TMEM117: variants seen among roughly 807,000 people sequenced by gnomAD.
TMEM117 encodes the protein transmembrane protein 117.
In TMEM117, 27 loss-of-function variants were observed where a neutral mutation model predicts 52.4. The observed-to-expected ratio is 0.51, with a 90% confidence interval of 0.38 to 0.71. The LOEUF is 0.71. Ranked by LOEUF, TMEM117 falls within the 30% of genes least tolerant of loss-of-function variation. The probability of loss-of-function intolerance (pLI) is 0.00; values close to 1 mark genes in which losing one functional copy is unlikely to be tolerated. For synonymous variants in TMEM117, 215 were observed against 206.3 expected (o/e 1.04, Z -0.36); for missense variants, 556 against 630.5 (o/e 0.88, Z 1.26).
In TMEM117 at chr12:44,036,996, A is replaced by C. The variant is rs568562199; in HGVS notation, c.410+92654A>C. On this transcript the variant is annotated intron_variant, in intron 3 of 7. Coordinates refer to ENST00000266534, the MANE Select transcript of TMEM117 (RefSeq NM_032256.3). ...TTCATATTGATGGCAGCAGCGGCCC[A>C]CCTGGAGTGACCGCTGCAAACACAC... Among the ~76,000 whole-genome samples the C allele has an allele frequency of 3.3e-4, 50 of 152,262 alleles. 1 individual carries two copies. Among genetic ancestry groups the C allele is most frequent in the African/African-American group, 1.1e-3 (46 of 41,554 alleles).
intron 3 of TMEM117, among the ~76,000 whole-genome samples, chr12:43,965,463 G>A (rs772456442): frequency 1.3e-5 from 2 of 152,146 alleles, no homozygotes; most frequent in African/African-American, 2.4e-5. Flanking sequence ...CCACCTGTCC[G>A]TGGATTACTC....
intron 6 of TMEM117, among the ~76,000 whole-genome samples, chr12:44,342,384 C>T (rs1951429228): frequency 6.6e-6 from 1 of 152,096 alleles, no homozygotes; most frequent in Non-Finnish European, 1.5e-5. Flanking sequence ...TAGACATGAC[C>T]TTGGGAGAAG....
intron 3 of TMEM117, among the ~76,000 whole-genome samples, chr12:43,955,326 T>G (rs1945289887): frequency 6.6e-6 from 1 of 152,160 alleles, no homozygotes; most frequent in African/African-American, 2.4e-5. Context: ...GAAAGGGTAT[T>G]CAGGTAAGAA....
At chr12:43,869,644 A>C (rs1005503073) in intron 2 of TMEM117, among the ~76,000 whole-genome samples, 1 of 152,234 alleles carries the variant, frequency 6.6e-6, no homozygotes, top group African/African-American at 2.4e-5. Context: ...AAAACCTGGA[A>C]TATGAGGCTA....
At chr12:43,991,408 T>A (rs1180256140) in intron 3 of TMEM117, among the ~76,000 whole-genome samples, 1 of 151,590 alleles carries the variant, frequency 6.6e-6, no homozygotes, top group African/African-American at 2.4e-5. Context: ...GGATAATAAT[T>A]GTAATAACCA....
chr12:44,119,713 G>A (rs1047193860), intron 3 of TMEM117, among the ~76,000 whole-genome samples: 4 of 152,124 alleles, frequency 2.6e-5, no homozygotes, highest in African/African-American at 9.7e-5. Context: ...CAGTCTGACC[G>A]TGTGTTAGCA....
intron 4 of TMEM117, among the ~76,000 whole-genome samples, chr12:44,164,715 G>A (rs1195793499): frequency 6.6e-6 from 1 of 152,142 alleles, no homozygotes; most frequent in East Asian, 1.9e-4. Flanking sequence ...GATAGAGGGG[G>A]CAATTGAGGC....
At chr12:43,950,989 C>A (rs540066711) in intron 3 of TMEM117, among the ~76,000 whole-genome samples, 1 of 152,196 alleles carries the variant, frequency 6.6e-6, no homozygotes, top group Admixed American at 6.5e-5. Flanking sequence ...GTGGGTGCGC[C>A]CCATGGAGAG....
At chr12:43,897,202 C>T (rs1944220384) in intron 2 of TMEM117, among the ~76,000 whole-genome samples, 1 of 152,274 alleles carries the variant, frequency 6.6e-6, no homozygotes, top group South Asian at 2.1e-4. Context: ...TCTTAAACTT[C>T]TGCCGAGAGC....
chr12:43,811,786 T>C, the TMEM117 span, among the ~76,000 whole-genome samples: 1 of 152,246 alleles, frequency 6.6e-6, no homozygotes, highest in African/African-American at 2.4e-5. Flanking sequence ...TCTTTGCATG[T>C]AACTAGATAG....
chr12:44,376,607 C>G lies in TMEM117; in HGVS notation c.781C>G (p.Pro261Ala). The G allele has an allele frequency of 6.2e-7, 1 of 1,604,520 alleles. No homozygotes were observed. Among genetic ancestry groups the G allele is most frequent in the Non-Finnish European group, 8.5e-7 (1 of 1,176,062 alleles). The change falls in exon 7 of 8, where the codon CCA (proline) becomes GCA (alanine). Residue 261 changes from proline to alanine, a missense_variant. By Grantham distance (27) the Pro-to-Ala change is conservative. This residue lies in a region of TMEM117 where 328 missense variants were observed against 371.4 expected (regional missense o/e 0.88). Transcript: ENST00000266534. ...TTTTCTCTGACAGGACTGGGAATTC[C>G]CACATTTCATGGGAGATGTTGATGT... ...LLIVMQDWEF[P>A]HFMGDVDVNL... is the part of the protein sequence containing the mutation.
chr12:43,806,333 G>C, the TMEM117 span: 1 of 1,286,630 alleles, frequency 7.8e-7, no homozygotes, highest in Non-Finnish European at 9.8e-7. Flanking sequence ...TCCTCCGCCG[G>C]CCCCGGCGCG....
the TMEM117 span, among the ~76,000 whole-genome samples, chr12:43,808,283 T>C: frequency 6.6e-6 from 1 of 152,334 alleles, no homozygotes; most frequent in Middle Eastern, 3.4e-3. Flanking sequence ...ACTTTCCAAA[T>C]TGACAGGGTT....
chr12:44,261,563 T>C (rs979294589), intron 5 of TMEM117, among the ~76,000 whole-genome samples: 1 of 152,150 alleles, frequency 6.6e-6, no homozygotes, highest in African/African-American at 2.4e-5. Context: ...CAGATTCTTA[T>C]CAATAGTATC....
chr12:44,298,960 C>A (rs929965012), intron 5 of TMEM117, among the ~76,000 whole-genome samples: 2 of 150,440 alleles, frequency 1.3e-5, no homozygotes, highest in African/African-American at 5.0e-5. Context: ...TGTCCACTAC[C>A]CTTGGTAAAC....
intron 3 of TMEM117, among the ~76,000 whole-genome samples, chr12:44,135,304 C>T (rs530284358): frequency 3.9e-5 from 6 of 152,294 alleles, no homozygotes; most frequent in East Asian, 3.9e-4. Context: ...GATGGGACCA[C>T]TAGCTCTGGG....
chr12:43,819,780 AAG>A, the TMEM117 span, among the ~76,000 whole-genome samples: 3 of 152,164 alleles, frequency 2.0e-5, no homozygotes, highest in East Asian at 3.9e-4. Flanking sequence ...GTCAAAAAAA[AAG>A]AGAGAAAGAG....
chr12:43,969,439 T>C (rs1369283442), intron 3 of TMEM117, among the ~76,000 whole-genome samples: 2 of 151,010 alleles, frequency 1.3e-5, no homozygotes, highest in African/African-American at 4.9e-5. Flanking sequence ...AGAGAATTGC[T>C]TGAACCTGGG....
chr12:44,126,980 A>G (rs967353781), intron 3 of TMEM117, among the ~76,000 whole-genome samples: 1 of 152,222 alleles, frequency 6.6e-6, no homozygotes, highest in Non-Finnish European at 1.5e-5. Flanking sequence ...AACTCATGGA[A>G]ACTGAGTTAA....
Sources: allele counts gnomAD v4.1 joint callset (sites outside exome capture counted in the v4.1 genomes callset), GRCh38; gene constraint gnomAD v4.1.1; regional missense constraint gnomAD v4.1.1; transcripts MANE v1.5; gene names NCBI Gene and HGNC (gene_info 2026-07-23, HGNC 2026-07-21).